Variants in DOCK2 observed in about 807,000 individuals in gnomAD.
DOCK2 encodes the protein dedicator of cytokinesis protein 2.
A neutral mutation model predicts 248.9 loss-of-function variants in DOCK2; 87 were observed. The observed-to-expected ratio is 0.35, with a 90% CI of 0.29 to 0.42. The LOEUF (loss-of-function observed/expected upper bound fraction) is 0.42, where lower values mean the gene tolerates loss of function less well. Ranked by LOEUF, DOCK2 falls within the 10% of genes least tolerant of loss-of-function variation. The pLI is 1.00. For missense variants in DOCK2, 1,747 were observed against 2,300.2 expected (o/e 0.76, Z 4.92); for synonymous variants, 805 against 821.6 (o/e 0.98, Z 0.35).
chr5:169,645,290 A>G (rs1490975096), intron 1 of DOCK2, among the ~76,000 whole-genome samples: 1 of 152,214 alleles, frequency 6.6e-6, no homozygotes, highest in Non-Finnish European at 1.5e-5. Flanking sequence ...CAGCCTCACC[A>G]GCATCTATAG....
chr5:170,022,414 C>T (rs73800270), intron 33 of DOCK2, among the ~76,000 whole-genome samples: 1,723 of 152,202 alleles, frequency 0.011, 16 homozygotes, highest in Middle Eastern at 0.031. Context: ...TGCCAGATTT[C>T]CCTGTCTCAC....
At chr5:169,896,485 C>T (rs1773615542) in intron 27 of DOCK2, among the ~76,000 whole-genome samples, 1 of 152,098 alleles carries the variant, frequency 6.6e-6, no homozygotes, top group African/African-American at 2.4e-5. Context: ...TAATATGTGG[C>T]TAATAATATT....
At chr5:170,076,224 T>C in intron 47 of DOCK2, 140 bp downstream of exon 47, 1 of 1,306,498 alleles carries the variant, frequency 7.7e-7, no homozygotes, top group Non-Finnish European at 1.0e-6. Flanking sequence ...CATTGCTGGA[T>C]CCCATCCAGG....
intron 27 of DOCK2, among the ~76,000 whole-genome samples, chr5:169,956,984 A>G (rs1776893723): frequency 6.6e-6 from 1 of 151,974 alleles, no homozygotes. Context: ...ACCAGGCAAA[A>G]CCACAGGAGC....
At chr5:169,736,846 A>G (rs262841) in intron 22 of DOCK2, among the ~76,000 whole-genome samples, 48,798 of 152,050 alleles carry the variant, frequency 0.32, 11,643 homozygotes, top group African/African-American at 0.66. Context: ...ATCTCAAAAT[A>G]AGTTCAAATA....
At chr5:169,761,244 G>A (rs925111467) in intron 24 of DOCK2, 4 of 327,968 alleles carry the variant, frequency 1.2e-5, no homozygotes, top group Non-Finnish European at 2.3e-5. Flanking sequence ...AGTCTACATG[G>A]CATAATGAAT....
chr5:170,036,527 G>T lies in DOCK2; in HGVS notation c.3637G>T (p.Asp1213Tyr). The change falls in exon 36 of 52, where the codon GAT (aspartate) becomes TAT (tyrosine). Residue 1213 changes from aspartate to tyrosine, a missense_variant. By Grantham distance (160) the Asp-to-Tyr change is radical. Around this residue, in one of 4 missense-constraint regions of DOCK2, gnomAD observed 858 missense variants for 1,183.5 expected, o/e 0.72. Transcript: ENST00000520908. ...CTCCCCTACCTAGAATTTCTACAAA[G>T]ATAACAACAGGGAGGAGATGTACAT... ...CTVNLLNFYK[D>Y]NNREEMYIRY... 1.2e-6 allele frequency: 2 copies of T among 1,612,900 alleles called. No homozygotes were observed.
chr5:169,704,683 A>G (rs1486069269), intron 14 of DOCK2, among the ~76,000 whole-genome samples: 1 of 152,110 alleles, frequency 6.6e-6, no homozygotes, highest in Non-Finnish European at 1.5e-5. Context: ...GCTTGAGGAC[A>G]TGGATCCCCA....
At position 169,695,735 on chromosome 5, in the gene DOCK2, G is replaced by A. The variant is rs73316279; in HGVS notation, c.844-68G>A. On this transcript the variant is annotated intron_variant, in intron 9 of 51. Transcript: ENST00000520908. Reference sequence around the variant, plus strand: ...ATCCCTCAGAAATTACTATTACTGGGTTTTCTTGTCTACCTTTTTTCCCCC... The same window carrying A: ...ATCCCTCAGAAATTACTATTACTGGATTTTCTTGTCTACCTTTTTTCCCCC... 1.9e-3 allele frequency: 3,044 copies of A among 1,599,608 alleles called. 50 individuals are homozygous for A. The African/African-American group carries it at 0.036, about 19-fold the overall frequency.
chr5:169,740,284 T>A (rs990442675), intron 22 of DOCK2, among the ~76,000 whole-genome samples: 2 of 149,612 alleles, frequency 1.3e-5, no homozygotes, highest in African/African-American at 2.4e-5. Context: ...CCCATATTGT[T>A]AACTTCTTTT....
intron 27 of DOCK2, among the ~76,000 whole-genome samples, chr5:169,898,250 C>T (rs533632618): frequency 3.3e-5 from 5 of 152,308 alleles, no homozygotes; most frequent in Non-Finnish European, 5.9e-5. Flanking sequence ...AACTGGCTGC[C>T]ATGGTCTCCT....
intron 45 of DOCK2, 74 bp downstream of exon 45, chr5:170,067,760 T>G: frequency 6.6e-7 from 1 of 1,506,924 alleles, no homozygotes; most frequent in Non-Finnish European, 9.1e-7. Context: ...AGGGGGCAGA[T>G]GCAGGTACAT....
chr5:169,698,859 G>T (rs374379805), intron 11 of DOCK2, among the ~76,000 whole-genome samples: 1 of 152,204 alleles, frequency 6.6e-6, no homozygotes, highest in African/African-American at 2.4e-5. Context: ...TTTCAGGAGC[G>T]TGTGGCAGGG....
At chr5:169,791,339 T>G (rs1046443378) in intron 25 of DOCK2, among the ~76,000 whole-genome samples, 2 of 152,164 alleles carry the variant, frequency 1.3e-5, no homozygotes, top group South Asian at 2.1e-4. Context: ...CGACTATAGT[T>G]GAATAAAAAA....
At chr5:169,883,494 G>A (rs779165096) in intron 27 of DOCK2, 70 of 1,551,498 alleles carry the variant, frequency 4.5e-5, no homozygotes, top group Admixed American at 7.8e-5. Flanking sequence ...AGAGGTTACC[G>A]TTGACCTGGA....
intron 25 of DOCK2, among the ~76,000 whole-genome samples, chr5:169,778,935 G>T (rs189965367): frequency 6.6e-6 from 1 of 152,252 alleles, no homozygotes; most frequent in East Asian, 1.9e-4. Flanking sequence ...GAAGTATGTG[G>T]TATTCGTTTT....
At position 169,896,778 on chromosome 5, in the gene DOCK2, C is replaced by T. The variant is rs991274331; in HGVS notation, c.2799+55926C>T. Among the ~76,000 whole-genome samples, 5 of 152,266 alleles carry T rather than the reference C, an allele frequency of 3.3e-5. No homozygotes were observed. In the East Asian group the frequency reaches 9.6e-4, roughly 29 times the overall value. ...TATGATATAGTCCCTACCCGCTGCTCACAGTGGGTGTGGGAGTCGATTGAT... is the reference window on the plus strand; with the variant it reads ...TATGATATAGTCCCTACCCGCTGCTTACAGTGGGTGTGGGAGTCGATTGAT... On this transcript the variant is annotated intron_variant, in intron 27 of 51. Transcript: ENST00000520908.
At chr5:170,029,110 T>C (rs1756032850) in intron 34 of DOCK2, among the ~76,000 whole-genome samples, 1 of 152,208 alleles carries the variant, frequency 6.6e-6, no homozygotes, top group Non-Finnish European at 1.5e-5. Context: ...ATTGAATTGC[T>C]GGATCATACG....
At chr5:169,936,039 T>C (rs1200539086) in intron 27 of DOCK2, among the ~76,000 whole-genome samples, 1 of 152,120 alleles carries the variant, frequency 6.6e-6, no homozygotes, top group African/African-American at 2.4e-5. Context: ...GGGGAACAAC[T>C]GTAAAGAAGT....
Sources: allele counts gnomAD v4.1 joint callset (sites outside exome capture counted in the v4.1 genomes callset), GRCh38; gene constraint gnomAD v4.1.1; regional missense constraint gnomAD v4.1.1; transcripts MANE v1.5; gene names NCBI Gene and HGNC (gene_info 2026-07-23, HGNC 2026-07-21).